Variants in TUSC3 observed in about 807,000 individuals in gnomAD.
TUSC3 encodes the protein dolichyl-diphosphooligosaccharide--protein glycosyltransferase subunit TUSC3.
Under a neutral mutation model 44.8 loss-of-function variants are expected in TUSC3, and 45 were observed. The ratio of observed to expected loss-of-function variants is 1.00; its 90% CI spans 0.79 to 1.29. The LOEUF is 1.29. Among genes scored for constraint, TUSC3 ranks in the 50% most tolerant of loss-of-function variants. The probability of loss-of-function intolerance (pLI) is 0.00; values close to 1 mark genes in which losing one functional copy is unlikely to be tolerated. For synonymous variants in TUSC3, 212 were observed against 152.9 expected, an observed-to-expected ratio of 1.39 and a Z score of -2.85; for missense variants, 519 against 437.9, an observed-to-expected ratio of 1.19 and a Z score of -1.65.
intron 7 of TUSC3, among the ~76,000 whole-genome samples, chr8:15,731,862 A>G (rs1339678330): frequency 1.3e-5 from 2 of 152,170 alleles, no homozygotes; most frequent in African/African-American, 4.8e-5. Flanking sequence ...AGTTTATTCA[A>G]GCAACCTATT....
At chr8:15,586,072 G>C (rs1803589310) in intron 1 of TUSC3, among the ~76,000 whole-genome samples, 1 of 151,092 alleles carries the variant, frequency 6.6e-6, no homozygotes, top group Non-Finnish European at 1.5e-5. Context: ...TCAGAAACCA[G>C]GAAAAATATT....
At chr8:15,538,390 A>ATTTG (rs1801559414), upstream of TUSC3, among the ~76,000 whole-genome samples, 1 of 152,232 alleles carries the variant, frequency 6.6e-6, no homozygotes, top group Admixed American at 6.5e-5. Context: ...AATTCAGGCA[A>ATTTG]AATGTTCACA....
At chr8:15,632,866 T>C (rs1052823424) in intron 2 of TUSC3, among the ~76,000 whole-genome samples, 1 of 152,202 alleles carries the variant, frequency 6.6e-6, no homozygotes, top group African/African-American at 2.4e-5. Flanking sequence ...TCCTATATCA[T>C]AGTGTATCTC....
the TUSC3 span, among the ~76,000 whole-genome samples, chr8:15,834,296 C>G: frequency 6.6e-6 from 1 of 152,060 alleles, no homozygotes; most frequent in Non-Finnish European, 1.5e-5. Context: ...GTTTTCCAAA[C>G]AAAATTAATA....
At chr8:15,490,131 T>A (rs938415196) in intron 2 of TUSC3, among the ~76,000 whole-genome samples, 4 of 152,204 alleles carry the variant, frequency 2.6e-5, no homozygotes, top group African/African-American at 7.2e-5. Flanking sequence ...TTTTATTTAC[T>A]ATTTTTTACA....
At chr8:15,798,761 G>A in the TUSC3 span, among the ~76,000 whole-genome samples, 2 of 152,106 alleles carry the variant, frequency 1.3e-5, no homozygotes, top group South Asian at 4.1e-4. Flanking sequence ...AGGCTTGACT[G>A]GCTCTTACAG....
chr8:15,442,891 A>T (rs963285625), intron 1 of TUSC3, among the ~76,000 whole-genome samples: 4 of 152,028 alleles, frequency 2.6e-5, no homozygotes, highest in Non-Finnish European at 2.9e-5. Flanking sequence ...CACCCTTCAT[A>T]TCTGATCAAG....
intron 1 of TUSC3, among the ~76,000 whole-genome samples, chr8:15,428,314 G>T (rs1799831091): frequency 1.3e-5 from 2 of 151,158 alleles, no homozygotes. Flanking sequence ...CTTTTTTATG[G>T]CTGCATAGTA....
intron 2 of TUSC3, among the ~76,000 whole-genome samples, chr8:15,518,352 A>G (rs746730910): frequency 6.6e-6 from 1 of 152,070 alleles, no homozygotes; most frequent in Non-Finnish European, 1.5e-5. Flanking sequence ...TTATCCATAT[A>G]GTGTGTGATA....
At chr8:15,758,064 A>T (rs1812006658) in intron 10 of TUSC3, 1 of 1,368,176 alleles carries the variant, frequency 7.3e-7, no homozygotes, top group African/African-American at 1.5e-5. Flanking sequence ...CTACCAAAAG[A>T]CTGACACGTG....
chr8:15,806,875 G>T, the TUSC3 span: 11 of 1,155,858 alleles, frequency 9.5e-6, no homozygotes, highest in South Asian at 7.3e-5. Context: ...AAATAATTAT[G>T]TTGGGGAGAA....
At chr8:15,432,355 T>C (rs1464716295) in intron 1 of TUSC3, among the ~76,000 whole-genome samples, 1 of 152,172 alleles carries the variant, frequency 6.6e-6, no homozygotes, top group African/African-American at 2.4e-5. Flanking sequence ...ATTTATTTTT[T>C]GCTACTTTCT....
intron 1 of TUSC3, among the ~76,000 whole-genome samples, chr8:15,551,038 A>T (rs963724439): frequency 2.0e-5 from 3 of 151,712 alleles, no homozygotes; most frequent in Non-Finnish European, 4.4e-5. Flanking sequence ...TTTGATTTAA[A>T]CTCTGTGTTC....
chr8:15,846,703 A>T, the TUSC3 span, among the ~76,000 whole-genome samples: 3 of 152,072 alleles, frequency 2.0e-5, no homozygotes, highest in African/African-American at 4.8e-5. Flanking sequence ...GGAACATCAC[A>T]CATCAGGGCC....
At chr8:15,715,079 AC>A (rs1397659433) in intron 6 of TUSC3, among the ~76,000 whole-genome samples, 3 of 152,122 alleles carry the variant, frequency 2.0e-5, no homozygotes, top group African/African-American at 7.2e-5. Context: ...GAATCTGTAC[AC>A]CTCAAGGTTT....
intron 1 of TUSC3, among the ~76,000 whole-genome samples, chr8:15,435,114 G>T (rs570571934): frequency 8.1e-5 from 12 of 148,968 alleles, no homozygotes; most frequent in Non-Finnish European, 1.5e-4. Context: ...TCGCCACACC[G>T]ACTTCCACAA....
chr8:15,650,816 T>TAA lies in TUSC3; in HGVS notation c.426+4_426+5dup. 6.2e-7 allele frequency: 1 copy of TAA among 1,609,716 alleles called. No individual in the cohort carries two copies. The highest frequency in any genetic ancestry group is 8.5e-7 in the Non-Finnish European group (1 of 1,176,016). ...GAGGGGACAGACGTTTTTCAGCAGG[T>TAA]AAAGAGTTATATCGTATTCATATAT... On this transcript the variant is annotated splice_region_variant and intron_variant, in intron 3 of 10. Transcript: ENST00000503731.
At chr8:15,493,044 C>G (rs1304001399) in intron 2 of TUSC3, among the ~76,000 whole-genome samples, 2 of 152,072 alleles carry the variant, frequency 1.3e-5, no homozygotes, top group Admixed American at 1.3e-4. Flanking sequence ...TATTAAACCT[C>G]TACTGTGTTC....
intron 2 of TUSC3, among the ~76,000 whole-genome samples, chr8:15,493,606 C>T (rs572824705): frequency 1.1e-3 from 162 of 152,246 alleles, no homozygotes; most frequent in African/African-American, 3.7e-3. Context: ...ATTTGCCAAA[C>T]ATTTGGTACT....
Sources: allele counts gnomAD v4.1 joint callset (sites outside exome capture counted in the v4.1 genomes callset), GRCh38; gene constraint gnomAD v4.1.1; transcripts MANE v1.5; gene names NCBI Gene and HGNC (gene_info 2026-07-23, HGNC 2026-07-21).